The following FAM3B variants were observed in gnomAD, a reference collection of about 807,000 sequenced individuals.
FAM3B encodes protein FAM3B.
FAM3B carries 29 observed loss-of-function variants against 28.4 expected under a neutral mutation model. That is an observed-to-expected ratio of 1.02 (90% CI 0.76 to 1.39). The LOEUF (loss-of-function observed/expected upper bound fraction) is 1.39, where lower values mean the gene tolerates loss of function less well. Ranked by LOEUF, FAM3B falls within the 40% of genes most tolerant of loss-of-function variation. The pLI, the probability that FAM3B is intolerant of heterozygous loss-of-function variation, is 0.00. For synonymous variants in FAM3B, 91 were observed against 103.0 expected (o/e 0.88, Z 0.71); for missense variants, 266 against 293.9 (o/e 0.91, Z 0.69).
intron 7 of FAM3B, among the ~76,000 whole-genome samples, chr21:41,349,391 C>T (rs1257809336): frequency 6.6e-6 from 1 of 152,124 alleles, no homozygotes; most frequent in South Asian, 2.1e-4. Flanking sequence ...CTGCAGTAAC[C>T]GGTGCTGCAG....
At chr21:41,311,993 A>G (rs1394246229), upstream of FAM3B, among the ~76,000 whole-genome samples, 1 of 152,148 alleles carries the variant, frequency 6.6e-6, no homozygotes, top group Non-Finnish European at 1.5e-5. Context: ...AGAAACTCCT[A>G]TTTTTAAACC....
chr21:41,322,611 A>T, intron 1 of FAM3B: 1 of 717,554 alleles, frequency 1.4e-6, no homozygotes. Flanking sequence ...ATGCTGGCTC[A>T]CAAGGTGCTT....
intron 3 of FAM3B, among the ~76,000 whole-genome samples, chr21:41,340,152 C>CTTTT (rs954999865): frequency 3.1e-4 from 40 of 127,154 alleles, no homozygotes; most frequent in Non-Finnish European, 5.6e-4. Flanking sequence ...CTGAAGTTGT[C>CTTTT]TTTTTTTTTT....
intron 7 of FAM3B, 33 bp from the exon 8 acceptor site, chr21:41,357,075 T>A (rs376618477): frequency 6.7e-6 from 10 of 1,486,640 alleles, no homozygotes; most frequent in African/African-American, 1.4e-5. Flanking sequence ...ATTAGATTAA[T>A]GAATAAATAA....
At chr21:41,312,980 C>A (rs915958269), upstream of FAM3B, among the ~76,000 whole-genome samples, 4 of 152,132 alleles carry the variant, frequency 2.6e-5, no homozygotes, top group Non-Finnish European at 5.9e-5. Context: ...AGTGCAGACC[C>A]CACATTGTTG....
chr21:41,324,024 C>T (rs1477842738), intron 2 of FAM3B, among the ~76,000 whole-genome samples: 1 of 152,138 alleles, frequency 6.6e-6, no homozygotes, highest in Non-Finnish European at 1.5e-5. Flanking sequence ...CTCCTTCTGG[C>T]AAACGAGGTC....
chr21:41,311,247 A>ATAT (rs2088709339), intron 1 of FAM3B, among the ~76,000 whole-genome samples: 6 of 63,452 alleles, frequency 9.5e-5, no homozygotes, highest in Non-Finnish European at 1.4e-4. Context: ...AAAAAAAAAA[A>ATAT]AAAAATATAT....
intron 1 of FAM3B, among the ~76,000 whole-genome samples, chr21:41,304,829 C>A (rs1457852123): frequency 6.6e-6 from 1 of 152,076 alleles, no homozygotes; most frequent in Admixed American, 6.5e-5. Context: ...CTGGGGGCAG[C>A]TGAAAGGCAT....
At chr21:41,356,173 A>C (rs1290417494) in intron 7 of FAM3B, among the ~76,000 whole-genome samples, 2 of 151,924 alleles carry the variant, frequency 1.3e-5, no homozygotes, top group African/African-American at 2.4e-5. Flanking sequence ...TTTATACTTA[A>C]ATTTATTAAA....
chr21:41,306,489 T>C (rs1302089618), intron 1 of FAM3B, among the ~76,000 whole-genome samples: 2 of 152,224 alleles, frequency 1.3e-5, no homozygotes, highest in African/African-American at 2.4e-5. Context: ...AAATTACTCT[T>C]TGATCCAAGG....
chr21:41,334,172 T>C (rs1360185487), intron 2 of FAM3B, among the ~76,000 whole-genome samples: 4 of 152,238 alleles, frequency 2.6e-5, no homozygotes, highest in Non-Finnish European at 4.4e-5. Flanking sequence ...CATAAAAGTT[T>C]GGAAAATGTG....
intron 3 of FAM3B, among the ~76,000 whole-genome samples, chr21:41,339,786 C>G (rs67443586): frequency 6.6e-6 from 1 of 152,110 alleles, no homozygotes; most frequent in African/African-American, 2.4e-5. Flanking sequence ...AATCAAGGCT[C>G]TCCAGAGAGA....
At chr21:41,323,146 G>C in intron 2 of FAM3B, 80 bp downstream of exon 2, 1 of 1,552,400 alleles carries the variant, frequency 6.4e-7, no homozygotes, top group Non-Finnish European at 8.7e-7. Context: ...GTCCCAGCTG[G>C]AGGCTGGGGG....
chr21:41,314,781 A>C (rs1459526345), upstream of FAM3B, among the ~76,000 whole-genome samples: 3 of 151,760 alleles, frequency 2.0e-5, no homozygotes, highest in African/African-American at 2.4e-5. Context: ...AAAAAGAGAG[A>C]GATAACAACA....
Position 41,357,503 on chromosome 21 carries a change from C to G in FAM3B, c.*306C>G, listed in dbSNP as rs2089177306. 4.3e-6 allele frequency: 1 copy of G among 231,494 alleles called. No individual in the cohort carries two copies. Among genetic ancestry groups the G allele is most frequent in the African/African-American group, 2.3e-5 (1 of 43,388 alleles). 14.3% of individuals were successfully genotyped at this position (231,494 alleles called of 1,614,324 possible). A position where few individuals can be genotyped will look rare whatever the true frequency, so the allele number is the denominator to read the frequency against. ...TGTCCAGGTGGAGCTATGTTATGAT[C>G]AGATCGAAGTGTGACCCCTGTGTGG... is the stretch of plus-strand genomic sequence containing the variant. On this transcript the variant is annotated 3_prime_UTR_variant, in exon 8 of 8. Coordinates refer to ENST00000357985, the MANE Select transcript of FAM3B (RefSeq NM_058186.4).
chr21:41,344,610 G>A (rs533303716), intron 4 of FAM3B, 76 bp downstream of exon 4: 8 of 1,228,024 alleles, frequency 6.5e-6, no homozygotes, highest in East Asian at 2.4e-5. Flanking sequence ...TTGGGTTTTC[G>A]AGACTTTTGC....
chr21:41,326,052 G>A lies in FAM3B; in HGVS notation c.163+2986G>A, dbSNP rs2088852222. ...AGTCTTAAACAAACCAGCTTTTCAT[G>A]AGGCATAAGAAACAGGAGACTAAAT... On this transcript the variant is annotated intron_variant, in intron 2 of 7. Transcript: ENST00000357985. This position sits in a 1 kb window ranked among gnomAD's most constrained non-coding sequence, Gnocchi z 4.0. Among the ~76,000 whole-genome samples the A allele has an allele frequency of 1.3e-5, 2 of 152,206 alleles. No homozygotes were observed. Among genetic ancestry groups the A allele is most frequent in the African/African-American group, 4.8e-5 (2 of 41,444 alleles).
At chr21:41,323,369 G>A (rs946325801) in intron 2 of FAM3B, among the ~76,000 whole-genome samples, 4 of 152,176 alleles carry the variant, frequency 2.6e-5, no homozygotes, top group Non-Finnish European at 4.4e-5. Flanking sequence ...AGCACAGGAG[G>A]GTCCAGGTTC....
chr21:41,353,626 G>A (rs747431839), intron 7 of FAM3B, among the ~76,000 whole-genome samples: 1 of 152,198 alleles, frequency 6.6e-6, no homozygotes, highest in Non-Finnish European at 1.5e-5. Context: ...AATAGACTTG[G>A]ACCCTACCTC....
Sources: allele counts gnomAD v4.1 joint callset (sites outside exome capture counted in the v4.1 genomes callset), GRCh38; gene constraint gnomAD v4.1.1; non-coding constraint Gnocchi (gnomAD v3.1); transcripts MANE v1.5; gene names NCBI Gene and HGNC (gene_info 2026-07-23, HGNC 2026-07-21).